Variants in RPS6KC1 observed in about 807,000 individuals in gnomAD.
RPS6KC1 encodes ribosomal protein S6 kinase C1.
Under a neutral mutation model 103.8 loss-of-function variants are expected in RPS6KC1, and 54 were observed. That is an observed-to-expected ratio of 0.52 (90% CI 0.42 to 0.65). The LOEUF is 0.65. RPS6KC1 is among the 30% of genes least tolerant of loss of function. The pLI is 0.00. For synonymous variants in RPS6KC1, 439 were observed against 438.7 expected (o/e 1.00, Z -0.01); for missense variants, 1,151 against 1,253.8 (o/e 0.92, Z 1.24).
chr1:213,461,798 G>A, the RPS6KC1 span, among the ~76,000 whole-genome samples: 1 of 152,112 alleles, frequency 6.6e-6, no homozygotes, highest in South Asian at 2.1e-4. Context: ...TTAAACGTAA[G>A]ACCTGAAACA....
the RPS6KC1 span, chr1:213,820,617 A>T: frequency 2.0e-5 from 3 of 152,292 alleles, no homozygotes; most frequent in South Asian, 6.2e-4. Flanking sequence ...AGGCACACAC[A>T]CACAAAAACT....
At chr1:213,363,612 T>C in the RPS6KC1 span, among the ~76,000 whole-genome samples, 79 of 75,802 alleles carry the variant, frequency 1.0e-3, 11 homozygotes, top group South Asian at 2.0e-3. Flanking sequence ...CTCGCTTGCT[T>C]GCTTGCTTGC....
the RPS6KC1 span, among the ~76,000 whole-genome samples, chr1:213,796,725 G>A: frequency 2.0e-5 from 3 of 152,054 alleles, no homozygotes; most frequent in South Asian, 2.1e-4. Context: ...CTTCCTACTC[G>A]ATCTGCCAAC....
intron 8 of RPS6KC1, among the ~76,000 whole-genome samples, chr1:213,210,112 C>T (rs1418130054): frequency 6.6e-6 from 1 of 152,128 alleles, no homozygotes; most frequent in Non-Finnish European, 1.5e-5. Context: ...TTGTACCAAC[C>T]TCCTATCTCA....
chr1:213,170,660 G>A (rs1421799802), intron 7 of RPS6KC1, among the ~76,000 whole-genome samples: 1 of 152,214 alleles, frequency 6.6e-6, no homozygotes, highest in Non-Finnish European at 1.5e-5. Context: ...CTAGAGGAGA[G>A]TAGGCACAGT....
chr1:213,155,321 C>G (rs926976848), intron 6 of RPS6KC1, among the ~76,000 whole-genome samples: 13 of 152,130 alleles, frequency 8.5e-5, no homozygotes, highest in African/African-American at 2.7e-4. Context: ...AGTACTAGGA[C>G]TCGCCTACAA....
At chr1:213,133,627 T>A (rs2085915833) in intron 6 of RPS6KC1, among the ~76,000 whole-genome samples, 1 of 152,146 alleles carries the variant, frequency 6.6e-6, no homozygotes, top group African/African-American at 2.4e-5. Flanking sequence ...CATCATGAAT[T>A]ACAGAGTCGA....
chr1:213,224,457 T>C (rs1337245890), intron 8 of RPS6KC1, among the ~76,000 whole-genome samples: 1 of 152,212 alleles, frequency 6.6e-6, no homozygotes, highest in Non-Finnish European at 1.5e-5. Flanking sequence ...CATATGCTAA[T>C]ATAGGGCTGA....
chr1:213,428,513 CCTTCCTCTT>C, the RPS6KC1 span, among the ~76,000 whole-genome samples: 9 of 55,152 alleles, frequency 1.6e-4, no homozygotes, highest in African/African-American at 5.5e-4. Flanking sequence ...TTCCTTCCTT[CCTTCCTCTT>C]TCTCTCTCTC....
At chr1:213,702,911 G>A in the RPS6KC1 span, among the ~76,000 whole-genome samples, 1 of 151,566 alleles carries the variant, frequency 6.6e-6, no homozygotes. Flanking sequence ...TGATTGGAGA[G>A]TCTAGCCCAT....
At chr1:213,694,720 C>G in the RPS6KC1 span, among the ~76,000 whole-genome samples, 2 of 152,118 alleles carry the variant, frequency 1.3e-5, no homozygotes, top group Non-Finnish European at 2.9e-5. Context: ...AGATAGATTG[C>G]CTGAACAATA....
At chr1:213,125,214 C>T (rs1306981746) in intron 5 of RPS6KC1, among the ~76,000 whole-genome samples, 1 of 151,874 alleles carries the variant, frequency 6.6e-6, no homozygotes, top group Non-Finnish European at 1.5e-5. Context: ...TGTTTCTAGC[C>T]TTTTTTCTGT....
At position 213,205,740 on chromosome 1, in the gene RPS6KC1, G is replaced by GAT. The variant is rs531224673; in HGVS notation, c.1045-24754_1045-24753dup. Reference sequence around the variant, plus strand: ...TTATTTTTCTTCAATTCAATGCTTTGATATTTTATTCTGTATCCCTATCAG... The same window carrying GAT: ...TTATTTTTCTTCAATTCAATGCTTTGATATATTTTATTCTGTATCCCTATCAG... On this transcript the variant is annotated intron_variant, in intron 8 of 14. Coordinates refer to ENST00000366960, the MANE Select transcript of RPS6KC1 (RefSeq NM_012424.6). Among the ~76,000 whole-genome samples the GAT allele has an allele frequency of 2.9e-3, 437 of 151,148 alleles. 2 individuals carry two copies. The highest frequency in any genetic ancestry group is 0.012 in the South Asian group (57 of 4,774).
the RPS6KC1 span, among the ~76,000 whole-genome samples, chr1:213,600,230 C>G: frequency 2.6e-5 from 4 of 152,154 alleles, no homozygotes; most frequent in Admixed American, 2.0e-4. Context: ...TATAAGTTAC[C>G]CAGTCTCAGC....
At chr1:213,421,055 C>A in the RPS6KC1 span, among the ~76,000 whole-genome samples, 1 of 152,190 alleles carries the variant, frequency 6.6e-6, no homozygotes. Context: ...TCTTTAAAGA[C>A]CCAGTTTCCA....
At chr1:213,127,311 G>A (rs528887019) in intron 5 of RPS6KC1, among the ~76,000 whole-genome samples, 2 of 152,146 alleles carry the variant, frequency 1.3e-5, no homozygotes, top group Non-Finnish European at 2.9e-5. Flanking sequence ...TCACCAAACC[G>A]TAACAGTACT....
At chr1:213,784,927 T>C in the RPS6KC1 span, among the ~76,000 whole-genome samples, 1 of 152,052 alleles carries the variant, frequency 6.6e-6, no homozygotes, top group African/African-American at 2.4e-5. Context: ...GATATTATAC[T>C]AAAATGTGGA....
chr1:213,583,010 C>G, the RPS6KC1 span, among the ~76,000 whole-genome samples: 1 of 152,188 alleles, frequency 6.6e-6, no homozygotes, highest in African/African-American at 2.4e-5. Flanking sequence ...AGGAATTACA[C>G]AGTATGTAGT....
At chr1:213,407,454 A>G in the RPS6KC1 span, among the ~76,000 whole-genome samples, 1 of 152,172 alleles carries the variant, frequency 6.6e-6, no homozygotes, top group Non-Finnish European at 1.5e-5. Flanking sequence ...CATCCCTGAC[A>G]TCCACAACCA....
Sources: allele counts gnomAD v4.1 joint callset (sites outside exome capture counted in the v4.1 genomes callset), GRCh38; gene constraint gnomAD v4.1.1; transcripts MANE v1.5; gene names NCBI Gene and HGNC (gene_info 2026-07-23, HGNC 2026-07-21).